Variants in MLF1 observed in about 807,000 individuals in gnomAD.
MLF1 encodes myeloid leukemia factor 1.
Under a neutral mutation model 38.3 loss-of-function variants are expected in MLF1, and 37 were observed. The observed-to-expected ratio is 0.96, with a 90% confidence interval of 0.74 to 1.27. The LOEUF (loss-of-function observed/expected upper bound fraction) is 1.27, where lower values mean the gene tolerates loss of function less well. MLF1 is among the 50% of genes most tolerant of loss of function. The pLI is 0.00. For synonymous variants in MLF1, 95 were observed against 106.5 expected (o/e 0.89, Z 0.66); for missense variants, 331 against 349.2 (o/e 0.95, Z 0.42).
chr3:158,595,309 G>A (rs940932781), intron 3 of MLF1, among the ~76,000 whole-genome samples: 4 of 152,078 alleles, frequency 2.6e-5, no homozygotes, highest in African/African-American at 9.7e-5. Flanking sequence ...AGAGGAGAAT[G>A]TGTACAAAAT....
Position 158,588,417 on chromosome 3 carries a change from C to T in MLF1, c.48-4017C>T, listed in dbSNP as rs542296182. Among the ~76,000 whole-genome samples the T allele has an allele frequency of 2.0e-5, 3 of 152,188 alleles. No individual in the cohort carries two copies. The East Asian group carries it at 5.8e-4, about 29-fold the overall frequency. ...CATTGATTGAGACCATCCTGGCTAA[C>T]ACGGTGAAACCCCGTCTCTACTAAG... is the stretch of plus-strand genomic sequence containing the variant. On this transcript the variant is annotated intron_variant, in intron 1 of 7. Coordinates refer to ENST00000466246, the MANE Select transcript of MLF1 (RefSeq NM_001369783.1).
intron 1 of MLF1, chr3:158,582,644 ACTTCT>A (rs1716577540): frequency 1.0e-5 from 4 of 382,894 alleles, no homozygotes; most frequent in Non-Finnish European, 1.8e-5. Flanking sequence ...ATTATATCTG[ACTTCT>A]CTTCAGAGAC....
At chr3:158,590,799 G>A (rs1560104800) in intron 1 of MLF1, 3 of 455,326 alleles carry the variant, frequency 6.6e-6, no homozygotes, top group African/African-American at 2.0e-5. Context: ...CTTAATTATG[G>A]TGGAGGTTAT....
intron 1 of MLF1, among the ~76,000 whole-genome samples, chr3:158,577,712 C>T (rs1715673708): frequency 6.6e-6 from 1 of 152,098 alleles, no homozygotes; most frequent in Non-Finnish European, 1.5e-5. Context: ...GAGGTAAACA[C>T]CACTGAATTA....
intron 1 of MLF1, chr3:158,582,762 C>G (rs747341082): frequency 1.8e-6 from 1 of 563,340 alleles, no homozygotes; most frequent in Non-Finnish European, 3.1e-6. Flanking sequence ...CTTTAAAAGT[C>G]AAGAAGAAAT....
intron 7 of MLF1, among the ~76,000 whole-genome samples, chr3:158,604,091 T>C (rs889461514): frequency 3.9e-5 from 6 of 152,196 alleles, no homozygotes; most frequent in African/African-American, 9.7e-5. Flanking sequence ...ATCAGAAGCC[T>C]TATGCAGAAT....
In MLF1 at chr3:158,576,833, C is replaced by T. The variant is rs527709377; in HGVS notation, c.47+5486C>T. 5.9e-4 allele frequency among the ~76,000 whole-genome samples: 89 copies of T among 151,942 alleles called. 1 individual carries two copies. Among genetic ancestry groups the T allele is most frequent in the African/African-American group, 2.1e-3 (87 of 41,432 alleles). On this transcript the variant is annotated intron_variant, in intron 1 of 7. Transcript: ENST00000466246. ...GATTACAGGCGCACACCACCACACC[C>T]GGCTGATTTTTTGTATTTTTAGTAG...
At chr3:158,576,657 AC>A (rs1206254914) in intron 1 of MLF1, among the ~76,000 whole-genome samples, 4 of 147,230 alleles carry the variant, frequency 2.7e-5, no homozygotes, top group Non-Finnish European at 4.5e-5. Flanking sequence ...AGGCTGGCAA[AC>A]CTGTCAACCT....
rs1405789539 is a variant in MLF1, at chr3:158,593,443, A to G, written c.240+17A>G. The stretch of plus-strand genomic sequence containing the variant: ...GGTGGTATGGTTCGTATCTTAAGAC[A>G]CAAATCATTTTAGCAATATTTTCTG... On this transcript the variant is annotated intron_variant, in intron 3 of 7. Coordinates refer to ENST00000466246, the MANE Select transcript of MLF1 (RefSeq NM_001369783.1). 2 of 1,544,662 alleles carry G rather than the reference A, an allele frequency of 1.3e-6. No homozygotes were observed. The highest frequency in any genetic ancestry group is 2.3e-5 in the East Asian group (1 of 42,994).
At position 158,586,817 on chromosome 3, in the gene MLF1, G is replaced by A. The variant is rs532501719; in HGVS notation, c.48-5617G>A. 4.9e-3 allele frequency among the ~76,000 whole-genome samples: 600 copies of A among 122,462 alleles called. 6 individuals are homozygous for A. The highest frequency in any genetic ancestry group is 0.018 in the African/African-American group (563 of 30,526). The allele number at this position is 122,462 out of a possible 152,430, so 80.3% of individuals were successfully genotyped here. The stretch of plus-strand genomic sequence containing the variant: ...GATTAAGGAAAAAATGTGGAAATAA[G>A]GTTTCAAGTTACTAGAATATAAAAA... On this transcript the variant is annotated intron_variant, in intron 1 of 7. Coordinates refer to ENST00000466246, the MANE Select transcript of MLF1 (RefSeq NM_001369783.1).
intron 1 of MLF1, among the ~76,000 whole-genome samples, chr3:158,579,145 TC>T (rs1715947092): frequency 6.6e-6 from 1 of 152,160 alleles, no homozygotes; most frequent in Admixed American, 6.5e-5. Flanking sequence ...TTTTAAAACC[TC>T]CTATTTCCAA....
intron 1 of MLF1, among the ~76,000 whole-genome samples, chr3:158,578,475 T>C (rs764969141): frequency 2.6e-5 from 4 of 150,968 alleles, no homozygotes; most frequent in Non-Finnish European, 4.4e-5. Flanking sequence ...CTTAAACACA[T>C]GTATGTACGT....
Position 158,603,608 on chromosome 3 carries a change from C to G in MLF1, c.746+669C>G, listed in dbSNP as rs534212410. Among the ~76,000 whole-genome samples, 13 of 152,244 alleles carry G rather than the reference C, an allele frequency of 8.5e-5. No homozygotes were observed. The South Asian group carries it at 2.7e-3, about 32-fold the overall frequency. On this transcript the variant is annotated intron_variant, in intron 7 of 7. Coordinates refer to ENST00000466246, the MANE Select transcript of MLF1 (RefSeq NM_001369783.1). ...ATCCCAGCACTTCCGGAGGCCGAGG[C>G]AGGTGGATCAGTTGCGGTCAGGAGT...
intron 1 of MLF1, among the ~76,000 whole-genome samples, chr3:158,588,558 G>A (rs1199590544): frequency 2.1e-5 from 3 of 142,138 alleles, no homozygotes; most frequent in East Asian, 2.2e-4. Flanking sequence ...CCGAGATCGC[G>A]CCACTGCACT....
intron 3 of MLF1, among the ~76,000 whole-genome samples, chr3:158,595,319 T>G (rs1029205056): frequency 1.3e-5 from 2 of 152,138 alleles, no homozygotes; most frequent in African/African-American, 4.8e-5. Flanking sequence ...GTGTACAAAA[T>G]TTTTGAAGGC....
intron 5 of MLF1, 41 bp from the exon 6 acceptor site, chr3:158,599,973 A>G: frequency 1.0e-6 from 1 of 976,658 alleles, no homozygotes; most frequent in Non-Finnish European, 1.3e-6. Context: ...TATACATTCT[A>G]TATATATTTA....
At chr3:158,572,805 G>A (rs187075442) in intron 1 of MLF1, among the ~76,000 whole-genome samples, 2,677 of 148,604 alleles carry the variant, frequency 0.018, 32 homozygotes, top group Non-Finnish European at 0.027. Flanking sequence ...GGGGGCGTGA[G>A]GTCGCAGGAG....
chr3:158,575,050 A>G (rs1433875994), intron 1 of MLF1, among the ~76,000 whole-genome samples: 3 of 152,180 alleles, frequency 2.0e-5, no homozygotes, highest in Admixed American at 6.5e-5. Flanking sequence ...AGCAGAGGCA[A>G]TGAATTCAAG....
chr3:158,576,602 C>T (rs1342691208), intron 1 of MLF1, among the ~76,000 whole-genome samples: 1 of 151,892 alleles, frequency 6.6e-6, no homozygotes, highest in Non-Finnish European at 1.5e-5. Flanking sequence ...AGAATAATAA[C>T]TATGTTACCA....
Sources: gnomAD v4.1 joint callset for allele counts (sites outside exome capture counted in the v4.1 genomes callset) on GRCh38, gnomAD v4.1.1 for gene constraint, MANE v1.5 for transcripts, NCBI Gene and HGNC (gene_info 2026-07-23, HGNC 2026-07-21) for gene names.